ZFHX3: variants seen among roughly 807,000 people sequenced by gnomAD.
The protein encoded by ZFHX3 is zinc finger homeobox 3.
ZFHX3 carries 42 observed loss-of-function variants against 279.1 expected under a neutral mutation model. The observed-to-expected ratio is 0.15, with a 90% CI of 0.12 to 0.19. The LOEUF (loss-of-function observed/expected upper bound fraction) is 0.19, where lower values mean the gene tolerates loss of function less well. Among genes scored for constraint, ZFHX3 ranks in the 10% least tolerant of loss-of-function variants. ZFHX3 has a pLI of 1.00. For missense variants in ZFHX3, 4,981 were observed against 4,754.0 expected (o/e 1.05, Z -1.40); for synonymous variants, 2,293 against 1,957.8 (o/e 1.17, Z -4.52).
At chr16:73,375,695 A>G (rs989593970) in intron 3 of ZFHX3, among the ~76,000 whole-genome samples, 5 of 152,188 alleles carry the variant, frequency 3.3e-5, no homozygotes, top group African/African-American at 9.6e-5. Context: ...ATGCTAAAAA[A>G]TCTCAATTAT....
At chr16:72,820,153 C>G (rs561870926) in intron 5 of ZFHX3, among the ~76,000 whole-genome samples, 1 of 152,210 alleles carries the variant, frequency 6.6e-6, no homozygotes, top group African/African-American at 2.4e-5. Context: ...TGTGGGGCCT[C>G]TGCTTTCTCT....
intron 1 of ZFHX3, among the ~76,000 whole-genome samples, chr16:73,776,237 G>A (rs987821319): frequency 2.6e-5 from 4 of 152,176 alleles, no homozygotes; most frequent in Non-Finnish European, 5.9e-5. Context: ...TGCACAGCAT[G>A]TCTATGACTG....
At chr16:73,673,720 G>A (rs1487501725) in intron 2 of ZFHX3, among the ~76,000 whole-genome samples, 1 of 152,222 alleles carries the variant, frequency 6.6e-6, no homozygotes, top group African/African-American at 2.4e-5. Context: ...AAATTGAAGT[G>A]CTGAGCTGGA....
chr16:73,878,837 T>A (rs1196870496), intron 1 of ZFHX3, among the ~76,000 whole-genome samples: 1 of 151,674 alleles, frequency 6.6e-6, no homozygotes, highest in Non-Finnish European at 1.5e-5. Flanking sequence ...ACTGGAAAAG[T>A]GAAGTTCAAC....
intron 3 of ZFHX3, among the ~76,000 whole-genome samples, chr16:73,358,320 A>G (rs1187070071): frequency 6.6e-6 from 1 of 152,226 alleles, no homozygotes; most frequent in African/African-American, 2.4e-5. Context: ...ATTAGGTCAC[A>G]AAGGACAGCG....
intron 8 of ZFHX3, among the ~76,000 whole-genome samples, chr16:73,072,872 T>C (rs947076147): frequency 1.3e-5 from 2 of 151,832 alleles, no homozygotes; most frequent in Non-Finnish European, 1.5e-5. Flanking sequence ...CCCAGCGCAT[T>C]CCTATTTCTT....
chr16:73,438,483 C>T (rs2018032907), intron 3 of ZFHX3, among the ~76,000 whole-genome samples: 1 of 152,104 alleles, frequency 6.6e-6, no homozygotes, highest in African/African-American at 2.4e-5. Context: ...ACACACATAA[C>T]TAGATAAAAG....
intron 2 of ZFHX3, among the ~76,000 whole-genome samples, chr16:73,478,381 T>C (rs367926282): frequency 5.9e-5 from 9 of 152,198 alleles, no homozygotes; most frequent in East Asian, 3.9e-4. Context: ...CCAACTGAGC[T>C]ATCCAGGCTT....
chr16:73,243,410 T>C (rs543456896), intron 5 of ZFHX3, among the ~76,000 whole-genome samples: 10 of 152,316 alleles, frequency 6.6e-5, no homozygotes, highest in South Asian at 2.1e-4. Context: ...ATTGTACTCA[T>C]AGCCAATCAA....
At chr16:73,301,834 C>G (rs1351830293) in intron 4 of ZFHX3, among the ~76,000 whole-genome samples, 1 of 150,426 alleles carries the variant, frequency 6.6e-6, no homozygotes. Context: ...TGTGCATAAG[C>G]CTTTCTTACG....
At chr16:72,923,325 G>T (rs1309346624) in intron 3 of ZFHX3, among the ~76,000 whole-genome samples, 2 of 151,914 alleles carry the variant, frequency 1.3e-5, no homozygotes, top group Non-Finnish European at 2.9e-5. Flanking sequence ...CATGCCTATA[G>T]TTCCAGCTAC....
At chr16:72,872,443 G>A (rs2038187053) in intron 4 of ZFHX3, among the ~76,000 whole-genome samples, 1 of 152,110 alleles carries the variant, frequency 6.6e-6, no homozygotes, top group Non-Finnish European at 1.5e-5. Flanking sequence ...GAGAAAAATA[G>A]GAGTTTTCAG....
At chr16:73,017,696 A>G (rs1263331163) in intron 1 of ZFHX3, among the ~76,000 whole-genome samples, 2 of 152,070 alleles carry the variant, frequency 1.3e-5, no homozygotes, top group African/African-American at 4.8e-5. Context: ...AGCACCCCAC[A>G]GATAGAGCTC....
At chr16:73,576,899 C>A (rs1036142004) in intron 2 of ZFHX3, among the ~76,000 whole-genome samples, 1 of 152,028 alleles carries the variant, frequency 6.6e-6, no homozygotes, top group Non-Finnish European at 1.5e-5. Context: ...TCAAGTAGGC[C>A]CCAGTGCAAA....
At chr16:73,192,734 T>A (rs1295860631) in intron 5 of ZFHX3, among the ~76,000 whole-genome samples, 1 of 152,232 alleles carries the variant, frequency 6.6e-6, no homozygotes, top group East Asian at 1.9e-4. Context: ...TTTAACCTCA[T>A]GCGCTGGTGC....
intron 1 of ZFHX3, among the ~76,000 whole-genome samples, chr16:73,681,084 G>A (rs571440134): frequency 2.3e-4 from 35 of 152,324 alleles, no homozygotes; most frequent in South Asian, 4.1e-4. Flanking sequence ...GGTCTTGTGG[G>A]AGAGAATAAC....
chr16:73,068,377 C>T (rs528912429), intron 8 of ZFHX3, among the ~76,000 whole-genome samples: 2 of 152,272 alleles, frequency 1.3e-5, no homozygotes, highest in East Asian at 3.9e-4. Context: ...GAAGGGTGCT[C>T]TGGTTTTGTA....
At chr16:73,048,270 C>T (rs1965374899), upstream of ZFHX3, 2 of 152,028 alleles carry the variant, frequency 1.3e-5, no homozygotes, top group South Asian at 2.1e-4. Flanking sequence ...CTCGGCTCCC[C>T]GGGCAAAGCC....
intron 3 of ZFHX3, among the ~76,000 whole-genome samples, chr16:73,331,818 A>G (rs1273072130): frequency 6.6e-6 from 1 of 152,220 alleles, no homozygotes; most frequent in Non-Finnish European, 1.5e-5. Flanking sequence ...TTTCTCTTCA[A>G]TAACTTATAT....
Sources: gnomAD v4.1 joint callset for allele counts (sites outside exome capture counted in the v4.1 genomes callset) on GRCh38, gnomAD v4.1.1 for gene constraint, MANE v1.5 for transcripts, NCBI Gene and HGNC (gene_info 2026-07-23, HGNC 2026-07-21) for gene names.